Variants in DHX57 observed in about 807,000 individuals in gnomAD.
DHX57 encodes putative ATP-dependent RNA helicase DHX57.
In DHX57, 105 loss-of-function variants were observed where a neutral mutation model predicts 156.2. The observed-to-expected ratio is 0.67, with a 90% CI of 0.57 to 0.79. The LOEUF is 0.79. Among genes scored for constraint, DHX57 ranks in the 30% least tolerant of loss-of-function variants. The probability of loss-of-function intolerance (pLI) is 0.00; values close to 1 mark genes in which losing one functional copy is unlikely to be tolerated. For missense variants in DHX57, 1,847 were observed against 1,661.9 expected (o/e 1.11, Z -1.94); for synonymous variants, 704 against 595.6 (o/e 1.18, Z -2.65).
intron 13 of DHX57, among the ~76,000 whole-genome samples, 192 bp from the exon 14 acceptor site, chr2:38,828,628 T>C (rs2124824686): frequency 6.6e-6 from 1 of 152,048 alleles, no homozygotes; most frequent in Non-Finnish European, 1.5e-5. Context: ...CAGGCTGAGG[T>C]AGGAGGGTTG....
chr2:38,822,251 T>C (rs1332844560), intron 17 of DHX57, among the ~76,000 whole-genome samples: 1 of 151,680 alleles, frequency 6.6e-6, no homozygotes, highest in Non-Finnish European at 1.5e-5. Context: ...CCAGCTAATT[T>C]TGTATTTTTA....
chr2:38,869,463 G>C (rs192021495), intron 1 of DHX57, among the ~76,000 whole-genome samples: 1 of 152,330 alleles, frequency 6.6e-6, no homozygotes, highest in East Asian at 1.9e-4. Context: ...GGATTAGAAT[G>C]AGTATTAAAC....
Position 38,868,388 on chromosome 2 carries a change from T to A in DHX57, c.18A>T (p.Arg6Ser), listed in dbSNP as rs1405226344. 4.3e-6 allele frequency: 7 copies of A among 1,613,280 alleles called. No homozygotes were observed. The highest frequency in any genetic ancestry group is 5.1e-6 in the Non-Finnish European group (6 of 1,180,008). ...CTCCTTTGCCTGGCTTGCCTTTTCT[T>A]CTTACTGAAGAACTCATTTTCACCT... MSSSV[R>S]RKGKPGKGGG... Residue 6 changes from arginine to serine, a missense_variant, in exon 2 of 24, where the codon AGA becomes AGT. By Grantham distance (110) the Arg-to-Ser change is moderately radical. Transcript: ENST00000457308.
intron 1 of DHX57, among the ~76,000 whole-genome samples, chr2:38,870,772 C>A (rs1360062633): frequency 6.6e-6 from 1 of 151,728 alleles, no homozygotes; most frequent in Non-Finnish European, 1.5e-5. Context: ...CCAGCTGCTT[C>A]GGAGGCTGAG....
At chr2:38,815,779 A>T in intron 19 of DHX57, 124 bp from the exon 20 acceptor site, 2 of 1,197,452 alleles carry the variant, frequency 1.7e-6, no homozygotes, top group Non-Finnish European at 2.3e-6. Flanking sequence ...AAGTGGATTC[A>T]TTCCTCAGGT....
chr2:38,854,866 G>C lies in DHX57; in HGVS notation c.1905+191C>G. 6 of 554,964 alleles carry C rather than the reference G, an allele frequency of 1.1e-5. No homozygotes were observed. The South Asian group carries it at 1.4e-4, about 13-fold the overall frequency. 34.4% of individuals were successfully genotyped at this position (554,964 alleles called of 1,614,324 possible). ...TGTGAGCCACCGCGCCTGGCCATAAGAGTTCTTATACCAAAATATTTCTAA... is the reference window on the plus strand; with the variant it reads ...TGTGAGCCACCGCGCCTGGCCATAACAGTTCTTATACCAAAATATTTCTAA... On this transcript the variant is annotated intron_variant, in intron 8 of 23. Coordinates refer to ENST00000457308, the MANE Select transcript of DHX57 (RefSeq NM_198963.3).
intron 21 of DHX57, chr2:38,811,619 A>T (rs1195869605): frequency 2.9e-6 from 4 of 1,369,246 alleles, no homozygotes; most frequent in Non-Finnish European, 4.1e-6. Context: ...CCAGGCCGGC[A>T]CTGTAGGCCA....
intron 2 of DHX57, among the ~76,000 whole-genome samples, chr2:38,866,707 G>T (rs751128654): frequency 2.6e-5 from 4 of 152,114 alleles, no homozygotes; most frequent in Non-Finnish European, 5.9e-5. Context: ...AACATCTACG[G>T]ACTCCAAGAA....
chr2:38,872,135 A>T (rs915089744), intron 1 of DHX57, among the ~76,000 whole-genome samples: 11 of 152,218 alleles, frequency 7.2e-5, no homozygotes, highest in Non-Finnish European at 1.6e-4. Context: ...TTGCATTGGA[A>T]ATTAAATGTC....
At position 38,810,707 on chromosome 2, in the gene DHX57, C is replaced by T. The variant is rs555812415; in HGVS notation, c.3681+3114G>A. ...TCACACTGAGGGTTGTGCCAGAAAC[C>T]GGTGTACACCAACTCAGCAAATTTC... On this transcript the variant is annotated intron_variant, in intron 21 of 23. Coordinates refer to ENST00000457308, the MANE Select transcript of DHX57 (RefSeq NM_198963.3). 8.6e-4 allele frequency: 651 copies of T among 754,806 alleles called. 2 individuals are homozygous for T. The African/African-American group carries it at 9.4e-3, about 11-fold the overall frequency. 46.8% of individuals were successfully genotyped at this position (754,806 alleles called of 1,614,324 possible).
At chr2:38,826,414 T>A in intron 15 of DHX57, 102 bp downstream of exon 15, 1 of 1,355,430 alleles carries the variant, frequency 7.4e-7, no homozygotes, top group East Asian at 2.3e-5. Flanking sequence ...TATTTTTTCA[T>A]ACAGTAATCC....
chr2:38,816,031 C>T (rs139565388), intron 19 of DHX57: 17 of 429,598 alleles, frequency 4.0e-5, no homozygotes, highest in African/African-American at 3.1e-4. Flanking sequence ...CCAAGTGCTG[C>T]GGCACTGTCT....
chr2:38,840,654 G>A (rs1671946637), intron 12 of DHX57, among the ~76,000 whole-genome samples: 1 of 152,072 alleles, frequency 6.6e-6, no homozygotes, highest in Non-Finnish European at 1.5e-5. Context: ...AGAAGCTGGT[G>A]GCAGAGTCAT....
chr2:38,851,911 C>T (rs1672613577), intron 9 of DHX57, among the ~76,000 whole-genome samples: 1 of 152,054 alleles, frequency 6.6e-6, no homozygotes, highest in African/African-American at 2.4e-5. Context: ...CCAACAGTGG[C>T]AAAATGACAT....
chr2:38,855,167 T>C lies in DHX57; in HGVS notation c.1795A>G (p.Thr599Ala). ...ATTGCAGAGATTCGTCGGGGTTGGGTACAGATGATGTTGGCTACCTTCTCA... is the reference window on the plus strand; with the variant it reads ...ATTGCAGAGATTCGTCGGGGTTGGGCACAGATGATGTTGGCTACCTTCTCA... ...PPEKVANIIC[T>A]QPRRISAISV... Residue 599 changes from threonine to alanine, a missense_variant, in exon 8 of 24, where the codon ACC becomes GCC. Physicochemically the swap from Thr to Ala is moderately conservative, Grantham distance 58. Transcript: ENST00000457308. The C allele has an allele frequency of 6.2e-7, 1 of 1,614,110 alleles. No individual in the cohort carries two copies. Among genetic ancestry groups the C allele is most frequent in the Non-Finnish European group, 8.5e-7 (1 of 1,180,016 alleles).
intron 12 of DHX57, among the ~76,000 whole-genome samples, chr2:38,841,092 G>C (rs1017975630): frequency 2.0e-5 from 3 of 152,138 alleles, no homozygotes; most frequent in African/African-American, 7.2e-5. Flanking sequence ...CAAAGTGTTG[G>C]GATTATAGGC....
intron 19 of DHX57, among the ~76,000 whole-genome samples, chr2:38,816,817 C>A (rs1013602332): frequency 1.3e-5 from 2 of 151,964 alleles, no homozygotes; most frequent in Non-Finnish European, 2.9e-5. Flanking sequence ...TAAAAACAAT[C>A]CTACAATCTA....
intron 19 of DHX57, 101 bp downstream of exon 19, chr2:38,818,776 C>T (rs1670670390): frequency 3.8e-6 from 5 of 1,317,184 alleles, no homozygotes; most frequent in African/African-American, 1.5e-5. Context: ...CCAGAAATAA[C>T]ATTTGCAATG....
chr2:38,857,746 T>C (rs1672973015), intron 6 of DHX57, among the ~76,000 whole-genome samples: 1 of 152,200 alleles, frequency 6.6e-6, no homozygotes, highest in South Asian at 2.1e-4. Flanking sequence ...GTGAATGGGG[T>C]AAAAACAAAA....
Sources: allele counts gnomAD v4.1 joint callset (sites outside exome capture counted in the v4.1 genomes callset), GRCh38; gene constraint gnomAD v4.1.1; transcripts MANE v1.5; gene names NCBI Gene and HGNC (gene_info 2026-07-23, HGNC 2026-07-21).